ARID5B: variants seen among roughly 807,000 people sequenced by gnomAD.
ARID5B encodes AT-rich interactive domain-containing protein 5B.
Under a neutral mutation model 97.2 loss-of-function variants are expected in ARID5B, and 13 were observed. That is an observed-to-expected ratio of 0.13 (90% CI 0.09 to 0.21). ARID5B has a LOEUF of 0.21. Among genes scored for constraint, ARID5B ranks in the 10% least tolerant of loss-of-function variants. The pLI, the probability that ARID5B is intolerant of heterozygous loss-of-function variation, is 1.00. For synonymous variants in ARID5B, 556 were observed against 570.3 expected (o/e 0.97, Z 0.36); for missense variants, 1,210 against 1,465.3 (o/e 0.83, Z 2.84).
chr10:61,976,836 T>G (rs1392462647), intron 3 of ARID5B, among the ~76,000 whole-genome samples: 1 of 149,696 alleles, frequency 6.7e-6, no homozygotes, highest in African/African-American at 2.5e-5. Flanking sequence ...TCATTTGTGT[T>G]TGTGGGAGAG....
chr10:62,045,928 C>T (rs1443571684), intron 4 of ARID5B, among the ~76,000 whole-genome samples: 2 of 152,174 alleles, frequency 1.3e-5, no homozygotes, highest in Non-Finnish European at 2.9e-5. Context: ...AATGAGTTAA[C>T]GCTCCGCCGA....
intron 8 of ARID5B, among the ~76,000 whole-genome samples, chr10:62,075,958 A>T (rs1361980657): frequency 6.6e-6 from 1 of 152,232 alleles, no homozygotes; most frequent in Non-Finnish European, 1.5e-5. Flanking sequence ...GACATCTGCC[A>T]TGTGCAGAGA....
chr10:62,042,312 G>A (rs1355196935), intron 4 of ARID5B, among the ~76,000 whole-genome samples: 1 of 152,226 alleles, frequency 6.6e-6, no homozygotes, highest in Non-Finnish European at 1.5e-5. Context: ...TCTCCATTGA[G>A]AGAGGAGCCT....
At chr10:62,070,179 A>C in intron 8 of ARID5B, among the ~76,000 whole-genome samples, 1 of 152,248 alleles carries the variant, frequency 6.6e-6, no homozygotes, top group Middle Eastern at 3.4e-3. Flanking sequence ...TCATAATATT[A>C]GCATTGAAAA....
chr10:62,066,779 G>A (rs1340192332), intron 7 of ARID5B, among the ~76,000 whole-genome samples: 3 of 152,206 alleles, frequency 2.0e-5, no homozygotes, highest in African/African-American at 7.2e-5. Flanking sequence ...GTAGGATGGG[G>A]AGGGAGGCGT....
chr10:62,075,446 G>A (rs1840117211), intron 8 of ARID5B, among the ~76,000 whole-genome samples: 1 of 152,224 alleles, frequency 6.6e-6, no homozygotes, highest in Non-Finnish European at 1.5e-5. Flanking sequence ...CCTGCAGTGG[G>A]AGGGCCTAGA....
rs565329664 is a variant in ARID5B at position 62,093,244 on chromosome 10, C to T, written c.*214C>T. 2 of 592,292 alleles carry T rather than the reference C, an allele frequency of 3.4e-6. No individual in the cohort carries two copies. Among genetic ancestry groups the T allele is most frequent in the Admixed American group, 3.6e-5 (1 of 27,530 alleles). 36.7% of individuals were successfully genotyped at this position (592,292 alleles called of 1,614,324 possible). A position where few individuals can be genotyped will look rare whatever the true frequency, so the allele number is the denominator to read the frequency against. ...TGACTGGCTGGTGAGTCTTGACTCCCTTCCAACACAGATGCCCAGGCACCT... is the reference window on the plus strand; with the variant it reads ...TGACTGGCTGGTGAGTCTTGACTCCTTTCCAACACAGATGCCCAGGCACCT... On this transcript the variant is annotated 3_prime_UTR_variant, in exon 10 of 10. Transcript: ENST00000279873.
At chr10:61,963,074 T>C (rs1237803459) in intron 3 of ARID5B, among the ~76,000 whole-genome samples, 3 of 151,146 alleles carry the variant, frequency 2.0e-5, no homozygotes, top group Non-Finnish European at 4.4e-5. Flanking sequence ...ACTCAACTAA[T>C]GTAAATTAGG....
rs537150345 is a variant in ARID5B at position 61,902,447 on chromosome 10, T to C, written c.276+34T>C. ...CCTGTCTGTCCCCCTCTTCTTTCTT[T>C]ATTATTTTTCCCCCTAGTAATGCTT... On this transcript the variant is annotated intron_variant, in intron 2 of 9. Coordinates refer to ENST00000279873, the MANE Select transcript of ARID5B (RefSeq NM_032199.3). 2.7e-5 allele frequency: 43 copies of C among 1,605,966 alleles called. No homozygotes were observed. The East Asian group carries it at 7.4e-4, about 28-fold the overall frequency.
At chr10:61,949,936 A>C (rs545106586) in intron 3 of ARID5B, among the ~76,000 whole-genome samples, 2 of 152,274 alleles carry the variant, frequency 1.3e-5, no homozygotes, top group East Asian at 3.9e-4. Context: ...CCAAACTTAG[A>C]CCAGTAATTC....
intron 3 of ARID5B, among the ~76,000 whole-genome samples, chr10:61,996,787 A>G (rs533836532): frequency 1.8e-4 from 27 of 152,000 alleles, no homozygotes; most frequent in African/African-American, 6.3e-4. Flanking sequence ...TATCTGTAAC[A>G]ATCCTGCAAA....
intron 2 of ARID5B, among the ~76,000 whole-genome samples, chr10:61,914,637 T>TGG (rs1843867449): frequency 6.6e-6 from 1 of 152,170 alleles, no homozygotes; most frequent in Admixed American, 6.6e-5. Flanking sequence ...ATCTGCAAAA[T>TGG]TTTCACCCAC....
chr10:62,041,366 T>C (rs1301665747), intron 4 of ARID5B, among the ~76,000 whole-genome samples: 3 of 152,142 alleles, frequency 2.0e-5, no homozygotes, highest in African/African-American at 7.2e-5. Flanking sequence ...TGAGAGGGAT[T>C]TGCCTGAACA....
chr10:62,096,175 A>G lies in ARID5B; in HGVS notation c.*3145A>G, dbSNP rs1840467227. Reference sequence around the variant, plus strand: ...CTTAAGTTCACTTGTTTATCAGGGCATATACAGAAGGGTTTGTTAAAACTC... The same window carrying G: ...CTTAAGTTCACTTGTTTATCAGGGCGTATACAGAAGGGTTTGTTAAAACTC... On this transcript the variant is annotated 3_prime_UTR_variant, in exon 10 of 10. Coordinates refer to ENST00000279873, the MANE Select transcript of ARID5B (RefSeq NM_032199.3). 1 of 233,646 alleles carries G rather than the reference A, an allele frequency of 4.3e-6. No individual in the cohort carries two copies. Among genetic ancestry groups the G allele is most frequent in the Non-Finnish European group, 8.5e-6 (1 of 118,014 alleles). The allele number at this position is 233,646 out of a possible 1,614,324, so 14.5% of individuals were successfully genotyped here.
At chr10:62,014,854 G>GAAC (rs1382747901) in intron 4 of ARID5B, among the ~76,000 whole-genome samples, 1 of 152,138 alleles carries the variant, frequency 6.6e-6, no homozygotes, top group African/African-American at 2.4e-5. Flanking sequence ...GGCAAATACA[G>GAAC]AACATTCTGC....
At chr10:61,985,557 AG>A (rs769109281) in intron 3 of ARID5B, among the ~76,000 whole-genome samples, 34 of 152,160 alleles carry the variant, frequency 2.2e-4, no homozygotes, top group Non-Finnish European at 4.3e-4. Flanking sequence ...AGTAGTTGCC[AG>A]GGTGTTAATG....
rs1213978548 is a variant in ARID5B at position 62,050,982 on chromosome 10, T to A, written c.828T>A (p.Asp276Glu). 2 of 1,613,978 alleles carry A rather than the reference T, an allele frequency of 1.2e-6. No individual in the cohort carries two copies. The highest frequency in any genetic ancestry group is 2.7e-5 in the African/African-American group (2 of 74,948). ...TTAAGGATTCCAACAACAATTCCGA[T>A]GGCAAAGCCGTTGCCAAGGTACGGT... The part of the protein sequence containing the change: ...SGVKDSNNNS[D>E]GKAVAKVKCE... Residue 276 changes from aspartate (D) to glutamate (E), a missense_variant, in exon 5 of 10, where the codon GAT (aspartate) becomes GAA (glutamate). By Grantham distance (45) the Asp-to-Glu change is conservative (BLOSUM62 2). Coordinates refer to ENST00000279873, the MANE Select transcript of ARID5B (RefSeq NM_032199.3).
chr10:62,063,294 T>C (rs1839944936), intron 7 of ARID5B, among the ~76,000 whole-genome samples: 1 of 152,156 alleles, frequency 6.6e-6, no homozygotes, highest in Admixed American at 6.5e-5. Context: ...TCAATAATAG[T>C]AAAAAACTGC....
At chr10:61,958,284 G>A (rs1482154111) in intron 3 of ARID5B, among the ~76,000 whole-genome samples, 1 of 151,996 alleles carries the variant, frequency 6.6e-6, no homozygotes, top group Non-Finnish European at 1.5e-5. Context: ...GATTCTTGTG[G>A]ATTGGTGTGA....
Sources: gnomAD v4.1 joint callset for allele counts (sites outside exome capture counted in the v4.1 genomes callset) on GRCh38, gnomAD v4.1.1 for gene constraint, MANE v1.5 for transcripts, NCBI Gene and HGNC (gene_info 2026-07-23, HGNC 2026-07-21) for gene names.